The following AFF2 variants were observed in gnomAD, a reference collection of about 807,000 sequenced individuals.
AFF2 encodes the protein ALF transcription elongation factor 2.
A neutral mutation model predicts 76.9 loss-of-function variants in AFF2; 14 were observed. That is an observed-to-expected ratio of 0.18 (90% CI 0.12 to 0.28). The LOEUF (loss-of-function observed/expected upper bound fraction) is 0.28, where lower values mean the gene tolerates loss of function less well. AFF2 is among the 10% of genes least tolerant of loss of function. The pLI, the probability that AFF2 is intolerant of heterozygous loss-of-function variation, is 1.00. For missense variants in AFF2, 868 were observed against 1,001.1 expected (o/e 0.87, Z 1.79); for synonymous variants, 398 against 366.7 (o/e 1.09, Z -0.98).
At chrX:148,561,403 A>G (rs782020902) in intron 1 of AFF2, among the ~76,000 whole-genome samples, 2 of 112,062 alleles carry the variant, frequency 1.8e-5, no homozygotes, top group African/African-American at 6.5e-5. Context: ...TCATGAACCT[A>G]TCCAAGCATT....
intron 1 of AFF2, among the ~76,000 whole-genome samples, chrX:148,575,397 A>G (rs1331495854): frequency 8.9e-6 from 1 of 111,903 alleles, no homozygotes; most frequent in African/African-American, 3.2e-5. Flanking sequence ...TTAATTAGCA[A>G]ATAGACTGTT....
At chrX:148,770,322 T>A (rs2069571426) in intron 3 of AFF2, among the ~76,000 whole-genome samples, 1 of 111,917 alleles carries the variant, frequency 8.9e-6, no homozygotes, top group Non-Finnish European at 1.9e-5. Context: ...CAGCTCATTC[T>A]ATACGTGGAC....
chrX:148,769,313 A>G (rs1263442475), intron 3 of AFF2, among the ~76,000 whole-genome samples: 1 of 111,854 alleles, frequency 8.9e-6, no homozygotes, highest in Non-Finnish European at 1.9e-5. Flanking sequence ...AAAGGCAGCT[A>G]TAGTGTCATG....
At chrX:148,754,841 C>T (rs782169794) in intron 3 of AFF2, among the ~76,000 whole-genome samples, 24 of 111,787 alleles carry the variant, frequency 2.1e-4, no homozygotes, top group Admixed American at 9.5e-5. Context: ...GAATAATACA[C>T]GTAACCCCTG....
chrX:148,714,339 C>T (rs1557263159), intron 3 of AFF2, among the ~76,000 whole-genome samples: 2 of 111,278 alleles, frequency 1.8e-5, no homozygotes, highest in Non-Finnish European at 1.9e-5. Flanking sequence ...TTGATTACTC[C>T]CTAATTAATT....
chrX:148,859,194 C>A (rs2070819065), intron 7 of AFF2, among the ~76,000 whole-genome samples: 1 of 103,414 alleles, frequency 9.7e-6, no homozygotes, highest in South Asian at 4.3e-4. Context: ...TAGAAGAAAA[C>A]AAAGGTAGTT....
chrX:148,662,394 A>T lies in AFF2; in HGVS notation c.667A>T (p.Asn223Tyr). 1 of 1,211,854 alleles carries T rather than the reference A, an allele frequency of 8.3e-7. No individual in the cohort carries two copies. The highest frequency in any genetic ancestry group is 1.1e-6 in the Non-Finnish European group (1 of 895,523). The change falls in exon 3 of 21, where the codon AAT becomes TAT. Residue 223 changes from asparagine (N) to tyrosine (Y), a missense_variant. Around this residue, in one of 6 missense-constraint regions of AFF2, gnomAD observed 196 missense variants for 194.8 expected, o/e 1.01. Transcript: ENST00000370460. Reference protein sequence around the residue: ...NPSAKEDSNPNSSGEDAFKEI... With the variant: ...NPSAKEDSNPYSSGEDAFKEI... ...ATCTGCAAAGGAAGACAGTAACCCT[A>T]ATTCTAGTGGAGAAGATGCTTTCAA... is the stretch of plus-strand genomic sequence containing the variant.
intron 1 of AFF2, among the ~76,000 whole-genome samples, chrX:148,528,492 T>C (rs1436392671): frequency 9.0e-6 from 1 of 111,375 alleles, no homozygotes; most frequent in African/African-American, 3.3e-5. Context: ...GTTCCTGGTG[T>C]TCAGCCTTAG....
rs1403271369 is a variant in AFF2 at position 148,595,992 on chromosome X, G to A, written c.48-56007G>A. 2.7e-5 allele frequency among the ~76,000 whole-genome samples: 3 copies of A among 111,918 alleles called. No homozygotes were observed. In the East Asian group the frequency reaches 8.5e-4, roughly 32 times the overall value. ...ATCTAGGGGTGCAGTGGCAGGGCTGGGAACTGCTTTGGGTCTTTAAGAAGC... is the reference window on the plus strand; with the variant it reads ...ATCTAGGGGTGCAGTGGCAGGGCTGAGAACTGCTTTGGGTCTTTAAGAAGC... On this transcript the variant is annotated intron_variant, in intron 1 of 20. Coordinates refer to ENST00000370460, the MANE Select transcript of AFF2 (RefSeq NM_002025.4).
chrX:148,708,473 A>T (rs2054914815), intron 3 of AFF2, among the ~76,000 whole-genome samples: 1 of 112,151 alleles, frequency 8.9e-6, no homozygotes, highest in Non-Finnish European at 1.9e-5. Context: ...CAGCAGGTTA[A>T]ATCTTTGCCT....
chrX:148,558,441 GTGT>G (rs782269160), intron 1 of AFF2, among the ~76,000 whole-genome samples: 1 of 111,297 alleles, frequency 9.0e-6, no homozygotes, highest in Admixed American at 9.6e-5. Context: ...AGAGGCTTGG[GTGT>G]TGTTCTATTC....
intron 1 of AFF2, among the ~76,000 whole-genome samples, chrX:148,571,184 T>C (rs1557242475): frequency 8.9e-6 from 1 of 112,045 alleles, no homozygotes; most frequent in African/African-American, 3.2e-5. Flanking sequence ...CTGTATTCTT[T>C]GGAGCTGCTT....
intron 16 of AFF2, among the ~76,000 whole-genome samples, chrX:148,976,243 G>A (rs1429520569): frequency 9.0e-6 from 1 of 111,544 alleles, no homozygotes; most frequent in Non-Finnish European, 1.9e-5. Context: ...GAGAGTTCCT[G>A]TGTATTCTTC....
chrX:148,647,296 G>A (rs1557255591), intron 1 of AFF2, among the ~76,000 whole-genome samples: 1 of 112,408 alleles, frequency 8.9e-6, no homozygotes, highest in Non-Finnish European at 1.9e-5. Flanking sequence ...CATTACTACA[G>A]TAAATCATAT....
At chrX:148,768,445 AGACGT>A (rs1356021302) in intron 3 of AFF2, among the ~76,000 whole-genome samples, 1 of 110,905 alleles carries the variant, frequency 9.0e-6, no homozygotes, top group Non-Finnish European at 1.9e-5. Flanking sequence ...CCAGGCCTTC[AGACGT>A]GAAGCCTGCT....
chrX:148,682,543 G>A (rs2054561375), intron 3 of AFF2, among the ~76,000 whole-genome samples: 1 of 110,036 alleles, frequency 9.1e-6, no homozygotes. Context: ...TAGGCACCAA[G>A]TACGTATATC....
At chrX:148,860,996 A>C (rs1405585501) in intron 7 of AFF2, among the ~76,000 whole-genome samples, 1 of 111,492 alleles carries the variant, frequency 9.0e-6, no homozygotes, top group East Asian at 2.8e-4. Flanking sequence ...AAAAAATGTA[A>C]TTTTCTCAGA....
intron 18 of AFF2, 88 bp from the exon 19 acceptor site, chrX:148,980,650 A>G: frequency 1.4e-6 from 1 of 733,471 alleles, no homozygotes; most frequent in Non-Finnish European, 2.0e-6. Context: ...ATATTAATGT[A>G]CTCTAAATCA....
In AFF2 at chrX:148,843,362, T is replaced by C. The variant is rs782237592; in HGVS notation, c.1211-20T>C. ...ACAGTAGGAACATGAACAGTAATTG[T>C]TTATATCTTTTCTTTTCAGAGTGGA... On this transcript the variant is annotated intron_variant, in intron 6 of 20. Coordinates refer to ENST00000370460, the MANE Select transcript of AFF2 (RefSeq NM_002025.4). 8.4e-7 allele frequency: 1 copy of C among 1,184,522 alleles called. No individual in the cohort carries two copies. Among genetic ancestry groups the C allele is most frequent in the Admixed American group, 2.2e-5 (1 of 45,595 alleles).
Sources: gnomAD v4.1 joint callset for allele counts (sites outside exome capture counted in the v4.1 genomes callset) on GRCh38, gnomAD v4.1.1 for gene constraint, gnomAD v4.1.1 regional missense constraint, MANE v1.5 for transcripts, NCBI Gene and HGNC (gene_info 2026-07-23, HGNC 2026-07-21) for gene names.